Variants in KLHL9 observed in about 807,000 individuals in gnomAD.
KLHL9 encodes kelch like family member 9.
A neutral mutation model predicts 42.3 loss-of-function variants in KLHL9; 27 were observed. The ratio of observed to expected loss-of-function variants is 0.64; its 90% confidence interval spans 0.47 to 0.88. The LOEUF (loss-of-function observed/expected upper bound fraction) is 0.88. Among genes scored for constraint, KLHL9 ranks in the 40% least tolerant of loss-of-function variants. KLHL9 has a pLI of 0.00. For missense variants in KLHL9, 629 were observed against 750.3 expected (o/e 0.84, Z 1.89); for synonymous variants, 274 against 254.4 (o/e 1.08, Z -0.73).
chr9:21,335,287 C>G lies in KLHL9; in HGVS notation c.-428G>C. The G allele has an allele frequency of 2.3e-6, 1 of 439,126 alleles. No individual in the cohort carries two copies. The highest frequency in any genetic ancestry group is 4.2e-6 in the Non-Finnish European group (1 of 240,196). 27.2% of individuals were successfully genotyped at this position (439,126 alleles called of 1,614,324 possible). On this transcript the variant is annotated 5_prime_UTR_variant, in exon 1 of 1. Transcript: ENST00000359039. ...GTACCTAGAGTGTCGCAGCGGCCACCGGCCTGTCTTTGAGCAAGGGCCGGG... is the reference window on the plus strand; with the variant it reads ...GTACCTAGAGTGTCGCAGCGGCCACGGGCCTGTCTTTGAGCAAGGGCCGGG...
chr9:21,335,060 G>A lies in KLHL9; in HGVS notation c.-201C>T, dbSNP rs1235891721. 2 of 661,824 alleles carry A rather than the reference G, an allele frequency of 3.0e-6. No homozygotes were observed. The highest frequency in any genetic ancestry group is 3.6e-5 in the African/African-American group (2 of 54,862). The allele number at this position is 661,824 out of a possible 1,614,324, so 41.0% of individuals were successfully genotyped here. A position where few individuals can be genotyped will look rare whatever the true frequency, so the allele number is the denominator to read the frequency against. ...TGTAGCAGGACCACAAAGGGCTGTG[G>A]ACCTCAAATCTGATTATTAGACAGA... On this transcript the variant is annotated 5_prime_UTR_variant, in exon 1 of 1. Coordinates refer to ENST00000359039, the MANE Select transcript of KLHL9 (RefSeq NM_018847.4).
In KLHL9 at chr9:21,333,571, G is replaced by T. The variant is rs1298429023; in HGVS notation, c.1289C>A (p.Ala430Glu). Residue 430 changes from alanine to glutamate, a missense_variant, in exon 1 of 1, where the codon GCA becomes GAA. By Grantham distance (107) the Ala-to-Glu change is moderately radical. Coordinates refer to ENST00000359039, the MANE Select transcript of KLHL9 (RefSeq NM_018847.4). This position sits in a 1 kb window ranked among gnomAD's most constrained non-coding sequence, Gnocchi z 7.5. ...ACCATAGTGGGGTTCACTCATTTTT[G>T]CAACATAGCTCCACTCATTCATTCT... ...NPRMNEWSYVAKMSEPHYGHA... is the reference protein window; with the variant it reads ...NPRMNEWSYVEKMSEPHYGHA... 8 of 1,613,980 alleles carry T rather than the reference G, an allele frequency of 5.0e-6. No individual in the cohort carries two copies. The highest frequency in any genetic ancestry group is 1.3e-5 in the African/African-American group (1 of 74,882).
rs1025508118 is a variant in KLHL9, at chr9:21,331,242, A to C, written c.*1764T>G. On this transcript the variant is annotated 3_prime_UTR_variant, in exon 1 of 1. Coordinates refer to ENST00000359039, the MANE Select transcript of KLHL9 (RefSeq NM_018847.4). ...ATAATTTCTAATTTTTCTACTTTTC[A>C]AATGTACTCAAATGTGCTATTTTTA... 26 of 152,584 alleles carry C rather than the reference A, an allele frequency of 1.7e-4. No homozygotes were observed. The highest frequency in any genetic ancestry group is 1.7e-3 in the Admixed American group (26 of 15,288). The allele number at this position is 152,584 out of a possible 1,614,324, so 9.5% of individuals were successfully genotyped here.
In KLHL9 at chr9:21,333,724, C is replaced by T; in HGVS notation, c.1136G>A (p.Trp379Ter). ...TTCATTTAATGATGCAACCTGCATC[C>T]ATTTATTATACCGAGGATCAAATCT... ...VFRFDPRYNK[W>*]MQVASLNEKR... The change falls in exon 1 of 1, where the codon TGG (tryptophan) becomes TAG (stop). Residue 379 changes from tryptophan (W) to a stop codon, truncating the protein, a stop_gained. Transcript: ENST00000359039. LOFTEE classifies it high-confidence loss of function. The surrounding 1 kb of genome is among the most constrained non-coding windows in gnomAD (Gnocchi z 7.5). 1 of 1,614,170 alleles carries T rather than the reference C, an allele frequency of 6.2e-7. No individual in the cohort carries two copies. Among genetic ancestry groups the T allele is most frequent in the Non-Finnish European group, 8.5e-7 (1 of 1,180,010 alleles).
rs201572794 is a variant in KLHL9, at chr9:21,334,587, C to T, written c.273G>A (p.Met91Ile). 3.2e-5 allele frequency: 51 copies of T among 1,614,040 alleles called. No individual in the cohort carries two copies. Among genetic ancestry groups the T allele is most frequent in the Non-Finnish European group, 4.2e-5 (50 of 1,180,030 alleles). Reference protein sequence around the residue: ...FTGGMKEQDLMCIKLHGVNKV... With the variant: ...FTGGMKEQDLICIKLHGVNKV... Reference sequence around the variant, plus strand: ...TGTTCACCCCATGAAGCTTAATGCACATCAAATCTTGTTCTTTCATTCCAC... The same window carrying T: ...TGTTCACCCCATGAAGCTTAATGCATATCAAATCTTGTTCTTTCATTCCAC... Residue 91 changes from methionine to isoleucine, a missense_variant, in exon 1 of 1, where the codon ATG becomes ATA. Physicochemically the swap from Met to Ile is conservative, Grantham distance 10. Transcript: ENST00000359039. The surrounding 1 kb of genome is among the most constrained non-coding windows in gnomAD (Gnocchi z 5.1).
chr9:21,334,190 T>G lies in KLHL9; in HGVS notation c.670A>C (p.Arg224=), dbSNP rs1350847317. 6.2e-7 allele frequency: 1 copy of G among 1,614,218 alleles called. No homozygotes were observed. Among genetic ancestry groups the G allele is most frequent in the Non-Finnish European group, 8.5e-7 (1 of 1,180,034 alleles). Residue 224 remains arginine (R), a synonymous_variant, in exon 1 of 1, where the codon AGG becomes CGG. Transcript: ENST00000359039. The surrounding 1 kb of genome is among the most constrained non-coding windows in gnomAD (Gnocchi z 5.1). Reference sequence around the variant, plus strand: ...TAATCCATCCGAGGGTCTTCCAACCTTAGCCAGCGACAGGCTGCCTTAAAG... The same window carrying G: ...TAATCCATCCGAGGGTCTTCCAACCGTAGCCAGCGACAGGCTGCCTTAAAG... ...ELFKAACRWL[R]LEDPRMDYAA... is the part of the protein sequence containing the mutation.
At position 21,334,526 on chromosome 9, in the gene KLHL9, TATAA is replaced by T. The variant is rs756313384; in HGVS notation, c.330_333del (p.Tyr111LeufsTer56). 6.2e-7 allele frequency: 1 copy of T among 1,614,156 alleles called. No individual in the cohort carries two copies. The highest frequency in any genetic ancestry group is 2.2e-5 in the East Asian group (1 of 44,894). ...TCCATATTAAGAGAAAGTTTTGCAG[TATAA>T]ATAAAATCAATGATTTTCTTCAGAC... On this transcript the variant is annotated frameshift_variant, in exon 1 of 1. Transcript: ENST00000359039. LOFTEE classifies it high-confidence loss of function. This position sits in a 1 kb window ranked among gnomAD's most constrained non-coding sequence, Gnocchi z 5.1.
Position 21,333,363 on chromosome 9 carries a change from A to C in KLHL9, c.1497T>G (p.Gly499=). The C allele has an allele frequency of 6.2e-7, 1 of 1,614,220 alleles. No homozygotes were observed. The highest frequency in any genetic ancestry group is 8.5e-7 in the Non-Finnish European group (1 of 1,180,048). The stretch of plus-strand genomic sequence containing the variant: ...CACTTGTTCCTCTGAAGTGATTGCC[A>C]CCAATGACATAGAGCTTATCTCCAA... ...CTVGDKLYVI[G]GNHFRGTSDY... is the part of the protein sequence containing the mutation. The change falls in exon 1 of 1, where the codon GGT becomes GGG. Residue 499 remains glycine, a synonymous_variant. Transcript: ENST00000359039. This position sits in a 1 kb window ranked among gnomAD's most constrained non-coding sequence, Gnocchi z 7.5.
In KLHL9 at chr9:21,331,156, T is replaced by C. The variant is rs1820163653; in HGVS notation, c.*1850A>G. On this transcript the variant is annotated 3_prime_UTR_variant, in exon 1 of 1. Coordinates refer to ENST00000359039, the MANE Select transcript of KLHL9 (RefSeq NM_018847.4). ...AACACAGCTACCGATAGCACACAAA[T>C]ATTCAACCTCATTAATAATCAAAGG... 1 of 152,598 alleles carries C rather than the reference T, an allele frequency of 6.6e-6. No individual in the cohort carries two copies. Among genetic ancestry groups the C allele is most frequent in the Non-Finnish European group, 1.5e-5 (1 of 68,028 alleles). The allele number at this position is 152,598 out of a possible 1,614,324, so 9.5% of individuals were successfully genotyped here.
In KLHL9 at chr9:21,332,283, A is replaced by G. The variant is rs1277571274; in HGVS notation, c.*723T>C. On this transcript the variant is annotated 3_prime_UTR_variant, in exon 1 of 1. Transcript: ENST00000359039. ...TCTCTGGTACTGAATTTCCATTTGA[A>G]TAGAAACGGCTGCTTTGTGGAAGAA... 1 of 152,678 alleles carries G rather than the reference A, an allele frequency of 6.5e-6. No homozygotes were observed. The allele number at this position is 152,678 out of a possible 1,614,324, so 9.5% of individuals were successfully genotyped here.
In KLHL9 at chr9:21,334,563, G is replaced by C; in HGVS notation, c.297C>G (p.Asn99Lys). The C allele has an allele frequency of 1.2e-6, 2 of 1,614,132 alleles. No individual in the cohort carries two copies. The highest frequency in any genetic ancestry group is 1.7e-6 in the Non-Finnish European group (2 of 1,180,008). ...CAATGATTTTCTTCAGACCAACCTT[G>C]TTCACCCCATGAAGCTTAATGCACA... ...DLMCIKLHGV[N>K]KVGLKKIIDF... The change falls in exon 1 of 1, where the codon AAC becomes AAG. Residue 99 changes from asparagine (N) to lysine (K), a missense_variant. Asn to Lys is a moderately conservative substitution (Grantham distance 94). Around this residue, in one of 4 missense-constraint regions of KLHL9, gnomAD observed 351 missense variants for 363.1 expected, o/e 0.97. Coordinates refer to ENST00000359039, the MANE Select transcript of KLHL9 (RefSeq NM_018847.4). This position sits in a 1 kb window ranked among gnomAD's most constrained non-coding sequence, Gnocchi z 5.1.
rs989691250 is a variant in KLHL9, at chr9:21,331,400, A to G, written c.*1606T>C. The G allele has an allele frequency of 6.6e-6, 1 of 152,494 alleles. No individual in the cohort carries two copies. Among genetic ancestry groups the G allele is most frequent in the African/African-American group, 2.4e-5 (1 of 41,406 alleles). The allele number at this position is 152,494 out of a possible 1,614,324, so 9.4% of individuals were successfully genotyped here. ...GGTTCAGACCCCTAGAAGCCAATTC[A>G]TTTTGCCTTGGTTCCTGAGTTTTAT... On this transcript the variant is annotated 3_prime_UTR_variant, in exon 1 of 1. Transcript: ENST00000359039.
rs991763324 is a variant in KLHL9, at chr9:21,332,685, A to G, written c.*321T>C. ...GAGCGGCCTCCCTCTGACATTTTGG[A>G]GTCAAAGATGAAAACTCAACTTTGA... On this transcript the variant is annotated 3_prime_UTR_variant, in exon 1 of 1. Transcript: ENST00000359039. 2.7e-5 allele frequency: 7 copies of G among 259,694 alleles called. No homozygotes were observed. Among genetic ancestry groups the G allele is most frequent in the Non-Finnish European group, 4.4e-5 (6 of 135,456 alleles). 16.1% of individuals were successfully genotyped at this position (259,694 alleles called of 1,614,324 possible).
chr9:21,333,030 A>G lies in KLHL9; in HGVS notation c.1830T>C (p.Leu610=), dbSNP rs146829226. The G allele has an allele frequency of 1.4e-4, 229 of 1,614,070 alleles. 1 individual carries two copies. Among genetic ancestry groups the G allele is most frequent in the Middle Eastern group, 3.3e-4 (2 of 6,084 alleles). The change falls in exon 1 of 1, where the codon CTT becomes CTC. Residue 610 remains leucine, a synonymous_variant. Coordinates refer to ENST00000359039, the MANE Select transcript of KLHL9 (RefSeq NM_018847.4). The surrounding 1 kb of genome is among the most constrained non-coding windows in gnomAD (Gnocchi z 7.5). ...CCTAAGAATGATCTGAAGGTGCTGA[A>G]AGAGGTGATTCTCTAGAAGGTGACC... ...NPGSPSRESP[L]SAPSDHS is the part of the protein sequence containing the mutation.
In KLHL9 at chr9:21,334,156, T is replaced by C; in HGVS notation, c.704A>G (p.Lys235Arg). The C allele has an allele frequency of 1.2e-6, 2 of 1,614,224 alleles. No homozygotes were observed. Among genetic ancestry groups the C allele is most frequent in the African/African-American group, 1.3e-5 (1 of 75,048 alleles). ...TGGAAATCGAATATTCTTCATTAAC[T>C]TTGCAGCATAATCCATCCGAGGGTC... The part of the protein sequence containing the change: ...LEDPRMDYAA[K>R]LMKNIRFPLM... The change falls in exon 1 of 1, where the codon AAG becomes AGG. Residue 235 changes from lysine (K) to arginine (R), a missense_variant. Coordinates refer to ENST00000359039, the MANE Select transcript of KLHL9 (RefSeq NM_018847.4). This position sits in a 1 kb window ranked among gnomAD's most constrained non-coding sequence, Gnocchi z 5.1.
rs1045311399 is a variant in KLHL9 at position 21,335,374 on chromosome 9, T to C, written c.-515A>G. ...CGGCCTAGCCCCAACACCGAGCCGC[T>C]CCTTCCGGAAAAGCCTAGTCCCAGG... On this transcript the variant is annotated 5_prime_UTR_variant, in exon 1 of 1. Coordinates refer to ENST00000359039, the MANE Select transcript of KLHL9 (RefSeq NM_018847.4). The C allele has an allele frequency of 2.0e-5, 8 of 410,202 alleles. No homozygotes were observed. Among genetic ancestry groups the C allele is most frequent in the Non-Finnish European group, 3.6e-5 (8 of 225,078 alleles). 25.4% of individuals were successfully genotyped at this position (410,202 alleles called of 1,614,324 possible). A position where few individuals can be genotyped will look rare whatever the true frequency, so the allele number is the denominator to read the frequency against.
In KLHL9 at chr9:21,330,651, C is replaced by G. The variant is rs1043069204; in HGVS notation, c.*2355G>C. On this transcript the variant is annotated 3_prime_UTR_variant, in exon 1 of 1. Coordinates refer to ENST00000359039, the MANE Select transcript of KLHL9 (RefSeq NM_018847.4). ...TACTTTTTTTCAATAAAAGGAAAAG[C>G]CTGTACAAAATAGAGGCAGGGCAGT... is the stretch of plus-strand genomic sequence containing the variant. 6.6e-6 allele frequency: 1 copy of G among 151,930 alleles called. No individual in the cohort carries two copies. Among genetic ancestry groups the G allele is most frequent in the Admixed American group, 6.6e-5 (1 of 15,242 alleles). 9.4% of individuals were successfully genotyped at this position (151,930 alleles called of 1,614,324 possible). A position where few individuals can be genotyped will look rare whatever the true frequency, so the allele number is the denominator to read the frequency against.
rs747935336 is a variant in KLHL9 at position 21,334,185 on chromosome 9, C to T, written c.675G>A (p.Leu225=). ...LFKAACRWLR[L]EDPRMDYAAK... ...CAGCATAATCCATCCGAGGGTCTTC[C>T]AACCTTAGCCAGCGACAGGCTGCCT... The change falls in exon 1 of 1, where the codon TTG becomes TTA. Residue 225 remains leucine, a synonymous_variant. Transcript: ENST00000359039. The surrounding 1 kb of genome is among the most constrained non-coding windows in gnomAD (Gnocchi z 5.1). 2 of 1,614,076 alleles carry T rather than the reference C, an allele frequency of 1.2e-6. No homozygotes were observed. The highest frequency in any genetic ancestry group is 2.2e-5 in the East Asian group (1 of 44,894).
rs555369876 is a variant in KLHL9, at chr9:21,332,534, G to T, written c.*472C>A. On this transcript the variant is annotated 3_prime_UTR_variant, in exon 1 of 1. Transcript: ENST00000359039. ...TAATATTTTTATTATTTCTGTCTACGTAAGAAACTTCAAATATTCTGAATG... is the reference window on the plus strand; with the variant it reads ...TAATATTTTTATTATTTCTGTCTACTTAAGAAACTTCAAATATTCTGAATG... 36 of 160,084 alleles carry T rather than the reference G, an allele frequency of 2.2e-4. No individual in the cohort carries two copies. In the South Asian group the frequency reaches 5.7e-3, roughly 25 times the overall value. The allele number at this position is 160,084 out of a possible 1,614,324, so 9.9% of individuals were successfully genotyped here.
Sources: allele counts gnomAD v4.1 joint callset, GRCh38; gene constraint gnomAD v4.1.1; regional missense constraint gnomAD v4.1.1; non-coding constraint Gnocchi (gnomAD v3.1); transcripts MANE v1.5; gene names NCBI Gene and HGNC (gene_info 2026-07-23, HGNC 2026-07-21).